The following SCFD2 variants were observed in gnomAD, a reference collection of about 807,000 sequenced individuals.
The protein encoded by SCFD2 is sec1 family domain containing 2, also known as sec1 family domain-containing protein 2.
In SCFD2, 54 loss-of-function variants were observed where a neutral mutation model predicts 58.9. That is an observed-to-expected ratio of 0.92 (90% CI 0.74 to 1.15). SCFD2 has a LOEUF of 1.15. Among genes scored for constraint, SCFD2 ranks in the 50% most tolerant of loss-of-function variants. The pLI is 0.00. For missense variants in SCFD2, 805 were observed against 836.6 expected (o/e 0.96, Z 0.47); for synonymous variants, 321 against 335.9 (o/e 0.96, Z 0.49).
chr4:52,873,070 G>C lies in SCFD2; in HGVS notation c.*899C>G, dbSNP rs146560916. On this transcript the variant is annotated 3_prime_UTR_variant, in exon 9 of 9. Transcript: ENST00000401642. ...CAAACATGTGGGTTGCAAGTGGTTC[G>C]TTTTTGCCCTGGAGTTCTTACAAAG... The C allele has an allele frequency of 6.6e-6, 1 of 152,204 alleles. No homozygotes were observed. Among genetic ancestry groups the C allele is most frequent in the African/African-American group, 2.4e-5 (1 of 41,456 alleles). The allele number at this position is 152,204 out of a possible 1,614,324, so 9.4% of individuals were successfully genotyped here. A position where few individuals can be genotyped will look rare whatever the true frequency, so the allele number is the denominator to read the frequency against.
In SCFD2 at chr4:53,274,146, C is replaced by G. The variant is rs992302562; in HGVS notation, c.1136-145G>C. 3.4e-5 allele frequency: 22 copies of G among 646,370 alleles called. No homozygotes were observed. The African/African-American group carries it at 3.9e-4, about 11-fold the overall frequency. 40.0% of individuals were successfully genotyped at this position (646,370 alleles called of 1,614,324 possible). On this transcript the variant is annotated intron_variant, in intron 3 of 8. Coordinates refer to ENST00000401642, the MANE Select transcript of SCFD2 (RefSeq NM_152540.4). Reference sequence around the variant, plus strand: ...CTTTCCTAAGCTATTGTGATTCTTACAACTATATAGTGACAAGAGCAAAAC... The same window carrying G: ...CTTTCCTAAGCTATTGTGATTCTTAGAACTATATAGTGACAAGAGCAAAAC...
chr4:53,192,769 A>G (rs532700033), intron 4 of SCFD2, among the ~76,000 whole-genome samples: 6 of 152,324 alleles, frequency 3.9e-5, no homozygotes, highest in Admixed American at 3.3e-4. Flanking sequence ...AAGAGCTGTC[A>G]CTGTATAGTA....
chr4:53,364,005 G>A (rs1214560224), intron 1 of SCFD2, among the ~76,000 whole-genome samples: 1 of 151,960 alleles, frequency 6.6e-6, no homozygotes, highest in Non-Finnish European at 1.5e-5. Flanking sequence ...AGAGATAGAA[G>A]TAACAGTAAT....
rs144801397 is a variant in SCFD2, at chr4:52,945,466, A to G, written c.1562-24596T>C. Among the ~76,000 whole-genome samples the G allele has an allele frequency of 4.0e-3, 605 of 152,326 alleles. 7 individuals are homozygous for G. Among genetic ancestry groups the G allele is most frequent in the African/African-American group, 0.014 (579 of 41,562 alleles). On this transcript the variant is annotated intron_variant, in intron 5 of 8. Coordinates refer to ENST00000401642, the MANE Select transcript of SCFD2 (RefSeq NM_152540.4). ...ATATATTTTAACTTAGTCTGGTAAA[A>G]TAATTCCATATCCTTGTCATGGCAA...
At chr4:53,362,912 G>T (rs1009215986) in intron 1 of SCFD2, among the ~76,000 whole-genome samples, 1 of 152,130 alleles carries the variant, frequency 6.6e-6, no homozygotes, top group Non-Finnish European at 1.5e-5. Flanking sequence ...TATGAAGGAA[G>T]GAAAAAGACA....
chr4:53,161,876 T>TA (rs1324197006), intron 4 of SCFD2, among the ~76,000 whole-genome samples: 1 of 152,218 alleles, frequency 6.6e-6, no homozygotes, highest in African/African-American at 2.4e-5. Flanking sequence ...CCAGGGTTTT[T>TA]AAAATGCAAC....
intron 4 of SCFD2, among the ~76,000 whole-genome samples, chr4:53,218,983 GA>G (rs1219773209): frequency 2.6e-5 from 4 of 152,314 alleles, no homozygotes; most frequent in Admixed American, 6.5e-5. Context: ...GTTGTTGCCT[GA>G]TCGTTCCTCT....
chr4:53,365,630 G>C lies in SCFD2; in HGVS notation c.312C>G (p.Val104=). ...GGTGGACAGCGTGGCTCACGGTTGT[G>C]ACCACCACACAATACTGGAAGTGAC... The part of the protein sequence containing the change: ...CRSHFQYCVV[V]TTVSHAVHLT... The change falls in exon 1 of 9, where the codon GTC becomes GTG. Residue 104 remains valine (V), a synonymous_variant. Coordinates refer to ENST00000401642, the MANE Select transcript of SCFD2 (RefSeq NM_152540.4). This position sits in a 1 kb window ranked among gnomAD's most constrained non-coding sequence, Gnocchi z 4.3. 4 of 1,614,210 alleles carry C rather than the reference G, an allele frequency of 2.5e-6. No homozygotes were observed. Among genetic ancestry groups the C allele is most frequent in the Non-Finnish European group, 3.4e-6 (4 of 1,180,042 alleles).
intron 5 of SCFD2, among the ~76,000 whole-genome samples, chr4:53,085,477 T>G (rs1004584474): frequency 6.6e-6 from 1 of 152,186 alleles, no homozygotes; most frequent in South Asian, 2.1e-4. Flanking sequence ...ATCTACAGAT[T>G]CAATGCAATC....
chr4:53,150,048 G>A (rs1400057820), intron 4 of SCFD2, among the ~76,000 whole-genome samples: 1 of 152,188 alleles, frequency 6.6e-6, no homozygotes, highest in African/African-American at 2.4e-5. Context: ...ATGTACCCAT[G>A]TTAGTTTATT....
intron 5 of SCFD2, among the ~76,000 whole-genome samples, chr4:53,136,297 T>G (rs1560351550): frequency 6.6e-6 from 1 of 152,226 alleles, no homozygotes; most frequent in Admixed American, 6.5e-5. Context: ...ATTGGTGATT[T>G]GAGGCAAGTC....
rs1482757059 is a variant in SCFD2, at chr4:53,348,524, G to T, written c.1007+4074C>A. ...CAACATAATTCCCTCAGTCTTCCAAGCAATTGAAAAAAACTACCATTTTTC... is the reference window on the plus strand; with the variant it reads ...CAACATAATTCCCTCAGTCTTCCAATCAATTGAAAAAAACTACCATTTTTC... On this transcript the variant is annotated intron_variant, in intron 2 of 8. Transcript: ENST00000401642. 2.0e-5 allele frequency among the ~76,000 whole-genome samples: 3 copies of T among 151,886 alleles called. No homozygotes were observed. The East Asian group carries it at 5.8e-4, about 29-fold the overall frequency.
intron 4 of SCFD2, among the ~76,000 whole-genome samples, chr4:53,204,182 G>A (rs1728337293): frequency 6.6e-6 from 1 of 151,892 alleles, no homozygotes; most frequent in African/African-American, 2.4e-5. Context: ...CTGTTCCATT[G>A]GCTTTTTAGA....
intron 5 of SCFD2, among the ~76,000 whole-genome samples, chr4:53,083,805 G>A (rs1417760722): frequency 2.6e-5 from 4 of 152,130 alleles, no homozygotes; most frequent in Non-Finnish European, 5.9e-5. Flanking sequence ...TTTCAAAAGG[G>A]GAGGGGGCGT....
intron 4 of SCFD2, among the ~76,000 whole-genome samples, chr4:53,183,259 CCAA>C (rs1184953617): frequency 2.6e-5 from 4 of 152,128 alleles, no homozygotes; most frequent in Admixed American, 6.5e-5. Flanking sequence ...ACCTAAATGT[CCAA>C]CAACAATAGA....
At chr4:52,906,685 G>C (rs778332762) in intron 7 of SCFD2, among the ~76,000 whole-genome samples, 6 of 152,124 alleles carry the variant, frequency 3.9e-5, no homozygotes, top group Non-Finnish European at 7.3e-5. Flanking sequence ...AGTTTTCCTG[G>C]AATATGCATT....
intron 5 of SCFD2, among the ~76,000 whole-genome samples, chr4:52,994,673 T>C (rs1452506465): frequency 2.0e-5 from 3 of 152,214 alleles, no homozygotes; most frequent in African/African-American, 7.2e-5. Context: ...TACCACACTG[T>C]TGGCGATTAA....
intron 6 of SCFD2, among the ~76,000 whole-genome samples, chr4:52,915,378 AACCAGGCTT>A (rs1264502719): frequency 6.6e-6 from 1 of 152,136 alleles, no homozygotes; most frequent in East Asian, 1.9e-4. Context: ...CTCTCAGAAA[AACCAGGCTT>A]ACTGGGAGGG....
rs549488863 is a variant in SCFD2 at position 52,958,928 on chromosome 4, T to C, written c.1562-38058A>G. Among the ~76,000 whole-genome samples, 4 of 152,336 alleles carry C rather than the reference T, an allele frequency of 2.6e-5. No homozygotes were observed. The South Asian group carries it at 8.3e-4, about 32-fold the overall frequency. Reference sequence around the variant, plus strand: ...CCTGAACTCATTATGTATTAGGCATTATGCAGAGTGCTTTATGTGTATTAT... The same window carrying C: ...CCTGAACTCATTATGTATTAGGCATCATGCAGAGTGCTTTATGTGTATTAT... On this transcript the variant is annotated intron_variant, in intron 5 of 8. Coordinates refer to ENST00000401642, the MANE Select transcript of SCFD2 (RefSeq NM_152540.4).
Sources: gnomAD v4.1 joint callset for allele counts (sites outside exome capture counted in the v4.1 genomes callset) on GRCh38, gnomAD v4.1.1 for gene constraint, Gnocchi (gnomAD v3.1) non-coding constraint, MANE v1.5 for transcripts, NCBI Gene and HGNC (gene_info 2026-07-23, HGNC 2026-07-21) for gene names.